Variants in ZNF566 observed in about 807,000 individuals in gnomAD.
The protein encoded by ZNF566 is zinc finger protein 566.
In ZNF566, 27 loss-of-function variants were observed where a neutral mutation model predicts 32.8. The ratio of observed to expected loss-of-function variants is 0.82; its 90% confidence interval spans 0.61 to 1.14. The LOEUF (loss-of-function observed/expected upper bound fraction) is 1.14. ZNF566 is among the 50% of genes most tolerant of loss of function. The pLI, the probability that ZNF566 is intolerant of heterozygous loss-of-function variation, is 0.00. For missense variants in ZNF566, 402 were observed against 490.4 expected (o/e 0.82, Z 1.70); for synonymous variants, 154 against 159.5 (o/e 0.97, Z 0.26).
chr19:36,472,554 G>A (rs1160205172), intron 4 of ZNF566, among the ~76,000 whole-genome samples: 1 of 152,168 alleles, frequency 6.6e-6, no homozygotes, highest in Non-Finnish European at 1.5e-5. Context: ...TAAGTCTTTG[G>A]CAGTGTAGGA....
At chr19:36,464,578 C>T (rs2033565686) in intron 4 of ZNF566, among the ~76,000 whole-genome samples, 3 of 151,958 alleles carry the variant, frequency 2.0e-5, no homozygotes, top group Admixed American at 1.3e-4. Context: ...CTTGGGAGTT[C>T]GAGATCAGCA....
chr19:36,468,185 C>CAAAA (rs34868021), intron 4 of ZNF566, among the ~76,000 whole-genome samples: 5 of 101,576 alleles, frequency 4.9e-5, no homozygotes, highest in African/African-American at 1.9e-4. Context: ...AACTCTGCCT[C>CAAAA]AAAAAAAAAA....
At chr19:36,459,514 A>G (rs2033405579) in intron 4 of ZNF566, among the ~76,000 whole-genome samples, 1 of 139,786 alleles carries the variant, frequency 7.2e-6, no homozygotes, top group Admixed American at 7.2e-5. Flanking sequence ...CTCCCAGCCT[A>G]TTACTTTTTT....
chr19:36,484,163 T>A (rs2034100176), intron 1 of ZNF566, among the ~76,000 whole-genome samples: 2 of 152,230 alleles, frequency 1.3e-5, no homozygotes, highest in African/African-American at 4.8e-5. Flanking sequence ...CGCCAGCCTC[T>A]GTGCCCAGAC....
intron 2 of ZNF566, among the ~76,000 whole-genome samples, chr19:36,475,714 C>T (rs1045060886): frequency 5.3e-5 from 8 of 151,774 alleles, no homozygotes; most frequent in South Asian, 2.1e-4. Context: ...AAGCGGGGGG[C>T]GGCGGGGAAC....
At position 36,448,968 on chromosome 19, in the gene ZNF566, T is replaced by G; in HGVS notation, c.*9A>C. On this transcript the variant is annotated 3_prime_UTR_variant, in exon 5 of 5. Coordinates refer to ENST00000452939, the MANE Select transcript of ZNF566 (RefSeq NM_001145344.1). ...AAGCCTCCCTACACATTTCATATAT[T>G]CTGTTTCATCACCAGTACAAATTTT... is the stretch of plus-strand genomic sequence containing the variant. 6.4e-7 allele frequency: 1 copy of G among 1,557,564 alleles called. No individual in the cohort carries two copies. The highest frequency in any genetic ancestry group is 2.2e-5 in the East Asian group (1 of 44,562).
rs1032464225 is a variant in ZNF566, at chr19:36,447,718, G to C, written c.*1259C>G. ...AATGCGACAAAAAGAGTATTAGTCG[G>C]AATAAAGTCCTTCACACACATTATT... On this transcript the variant is annotated 3_prime_UTR_variant, in exon 5 of 5. Transcript: ENST00000452939. 2 of 151,876 alleles carry C rather than the reference G, an allele frequency of 1.3e-5. No homozygotes were observed. The highest frequency in any genetic ancestry group is 4.8e-5 in the African/African-American group (2 of 41,318). 9.4% of individuals were successfully genotyped at this position (151,876 alleles called of 1,614,324 possible). A position where few individuals can be genotyped will look rare whatever the true frequency, so the allele number is the denominator to read the frequency against.
At chr19:36,460,213 C>T (rs543320039) in intron 4 of ZNF566, among the ~76,000 whole-genome samples, 8 of 152,208 alleles carry the variant, frequency 5.3e-5, no homozygotes, top group Admixed American at 5.2e-4. Context: ...AAAATTTTAA[C>T]TTACATGGCA....
At chr19:36,477,491 T>G (rs1325094597) in intron 1 of ZNF566, among the ~76,000 whole-genome samples, 1 of 151,786 alleles carries the variant, frequency 6.6e-6, no homozygotes, top group East Asian at 1.9e-4. Flanking sequence ...ATTTTAAGTT[T>G]GGATATACCT....
chr19:36,457,103 A>G (rs1052000197), intron 4 of ZNF566, among the ~76,000 whole-genome samples: 3 of 152,238 alleles, frequency 2.0e-5, no homozygotes, highest in Non-Finnish European at 4.4e-5. Flanking sequence ...GAACCCATGC[A>G]TTTATGGTCA....
chr19:36,489,409 T>C, intron 1 of ZNF566, 77 bp downstream of exon 1: 1 of 292,510 alleles, frequency 3.4e-6, no homozygotes, highest in Non-Finnish European at 6.7e-6. Context: ...GCTTTCAATC[T>C]CACCTCCACC....
At chr19:36,464,880 T>C (rs2145668112) in intron 4 of ZNF566, among the ~76,000 whole-genome samples, 1 of 152,274 alleles carries the variant, frequency 6.6e-6, no homozygotes, top group South Asian at 2.1e-4. Flanking sequence ...AAGCAATATA[T>C]AATTTAACCA....
intron 4 of ZNF566, among the ~76,000 whole-genome samples, chr19:36,462,546 G>C (rs1335679043): frequency 6.6e-6 from 1 of 151,946 alleles, no homozygotes; most frequent in Non-Finnish European, 1.5e-5. Flanking sequence ...ATTCCTTGTA[G>C]TTTTAGATAC....
chr19:36,451,869 G>A (rs1443050116), intron 4 of ZNF566, among the ~76,000 whole-genome samples: 1 of 152,018 alleles, frequency 6.6e-6, no homozygotes, highest in East Asian at 1.9e-4. Context: ...AGCCGGGTGT[G>A]GTAGCACATG....
At chr19:36,455,796 T>A (rs923870179) in intron 4 of ZNF566, among the ~76,000 whole-genome samples, 3 of 151,474 alleles carry the variant, frequency 2.0e-5, no homozygotes, top group Admixed American at 6.6e-5. Context: ...ATCCCAGCAC[T>A]TTGGGAGGCC....
Position 36,476,634 on chromosome 19 carries a change from A to G in ZNF566, c.-59-18T>C, listed in dbSNP as rs1164972928. 6.3e-7 allele frequency: 1 copy of G among 1,599,528 alleles called. No homozygotes were observed. Among genetic ancestry groups the G allele is most frequent in the East Asian group, 2.2e-5 (1 of 44,578 alleles). On this transcript the variant is annotated intron_variant, in intron 1 of 4. Coordinates refer to ENST00000452939, the MANE Select transcript of ZNF566 (RefSeq NM_001145344.1). ...GGGTAGAGCTGGGAGAGGCAAAAGA[A>G]GATAGATAAGACCCCACTTTCCTCA...
At chr19:36,455,407 A>C (rs978764637) in intron 4 of ZNF566, among the ~76,000 whole-genome samples, 2 of 152,126 alleles carry the variant, frequency 1.3e-5, no homozygotes, top group Non-Finnish European at 2.9e-5. Context: ...CAAATTCAAA[A>C]AAACCCTAGG....
chr19:36,453,516 TTAAAATAAAATA>T (rs2033222273), intron 4 of ZNF566, among the ~76,000 whole-genome samples: 12 of 130,478 alleles, frequency 9.2e-5, no homozygotes, highest in Non-Finnish European at 1.7e-4. Context: ...AATTAATTAA[TTAAAATAAAATA>T]AAAATAAAAA....
intron 4 of ZNF566, among the ~76,000 whole-genome samples, chr19:36,467,127 T>G (rs1455612947): frequency 2.7e-5 from 4 of 150,152 alleles, no homozygotes; most frequent in Non-Finnish European, 5.9e-5. Context: ...GCAAAAGATT[T>G]GAGCAGGCAA....
Sources: allele counts gnomAD v4.1 joint callset (sites outside exome capture counted in the v4.1 genomes callset), GRCh38; gene constraint gnomAD v4.1.1; transcripts MANE v1.5; gene names NCBI Gene and HGNC (gene_info 2026-07-23, HGNC 2026-07-21).